PKD2: variants seen among roughly 807,000 people sequenced by gnomAD.
PKD2 encodes polycystin-2.
PKD2 carries 48 observed loss-of-function variants against 105.9 expected under a neutral mutation model. The ratio of observed to expected loss-of-function variants is 0.45; its 90% CI spans 0.36 to 0.58. The LOEUF (loss-of-function observed/expected upper bound fraction) is 0.58, where lower values mean the gene tolerates loss of function less well. Ranked by LOEUF, PKD2 falls within the 20% of genes least tolerant of loss-of-function variation. PKD2 has a pLI of 0.00. For synonymous variants in PKD2, 464 were observed against 481.1 expected (o/e 0.96, Z 0.46); for missense variants, 1,078 against 1,255.3 (o/e 0.86, Z 2.13).
intron 5 of PKD2, 41 bp from the exon 6 acceptor site, chr4:88,046,598 GTGT>G (rs770946743): frequency 4.5e-6 from 5 of 1,119,842 alleles, no homozygotes; most frequent in East Asian, 2.3e-5. Flanking sequence ...CTGTATTCAT[GTGT>G]TGTTGTTGTT....
intron 2 of PKD2, among the ~76,000 whole-genome samples, chr4:88,028,903 A>G (rs562243007): frequency 1.2e-4 from 18 of 152,366 alleles, no homozygotes; most frequent in African/African-American, 4.1e-4. Flanking sequence ...AATACTAGCC[A>G]ATACTACCAT....
intron 4 of PKD2, among the ~76,000 whole-genome samples, chr4:88,041,524 C>T (rs933537842): frequency 7.2e-5 from 11 of 152,062 alleles, no homozygotes; most frequent in African/African-American, 2.4e-4. Context: ...TTCCAGGAGC[C>T]CTCTCCCAGT....
intron 1 of PKD2, among the ~76,000 whole-genome samples, chr4:88,009,114 T>C (rs1207151242): frequency 6.6e-6 from 1 of 152,228 alleles, no homozygotes; most frequent in African/African-American, 2.4e-5. Context: ...CTGAGCCCAG[T>C]GCGCCCAGCT....
chr4:88,071,788 G>A (rs746981648), intron 13 of PKD2, among the ~76,000 whole-genome samples: 13 of 152,134 alleles, frequency 8.5e-5, no homozygotes, highest in African/African-American at 2.2e-4. Flanking sequence ...TTTTAGCAGC[G>A]TGCTCATTAA....
rs757751728 is a variant in PKD2 at position 88,036,213 on chromosome 4, G to A, written c.710-7G>A. 7 of 1,613,648 alleles carry A rather than the reference G, an allele frequency of 4.3e-6. No homozygotes were observed. In the African/African-American group the frequency reaches 5.3e-5, roughly 12 times the overall value. On this transcript the variant is annotated splice_polypyrimidine_tract_variant and splice_region_variant and intron_variant, in intron 2 of 14. Transcript: ENST00000237596. ...GGGGCGTTCATTTGGATCTTTCTGT[G>A]TTCCAGTGACCTACGGCATGATGAG...
intron 13 of PKD2, among the ~76,000 whole-genome samples, chr4:88,070,903 G>A (rs1721009065): frequency 6.6e-6 from 1 of 151,776 alleles, no homozygotes; most frequent in African/African-American, 2.4e-5. Flanking sequence ...CCAAAGTGCT[G>A]GGGTCACAGG....
chr4:88,052,203 T>C (rs1368744010), intron 7 of PKD2, 45 bp downstream of exon 7: 10 of 1,248,058 alleles, frequency 8.0e-6, no homozygotes, highest in Non-Finnish European at 1.2e-5. Context: ...AATATTTTCT[T>C]TAAAAAAAAT....
In PKD2 at chr4:88,048,136, A is replaced by G. The variant is rs182330574; in HGVS notation, c.1548+1266A>G. On this transcript the variant is annotated intron_variant, in intron 6 of 14. Transcript: ENST00000237596. ...TAGATGCTTACAAGCTTTGCTTGGC[A>G]TAGGTGTACCATGTATTATTCTATG... 1.2e-4 allele frequency among the ~76,000 whole-genome samples: 18 copies of G among 152,244 alleles called. 1 individual carries two copies. The highest frequency in any genetic ancestry group is 1.1e-3 in the Admixed American group (17 of 15,286).
At chr4:88,024,550 A>G (rs555551799) in intron 2 of PKD2, among the ~76,000 whole-genome samples, 1 of 151,584 alleles carries the variant, frequency 6.6e-6, no homozygotes, top group Non-Finnish European at 1.5e-5. Context: ...TGGTGAATCT[A>G]TAATAATAAA....
intron 2 of PKD2, among the ~76,000 whole-genome samples, chr4:88,031,560 GT>G: frequency 6.6e-6 from 1 of 152,124 alleles, no homozygotes. Flanking sequence ...ATCTAGTACA[GT>G]TATATTTTTA....
intron 9 of PKD2, 142 bp from the exon 10 acceptor site, chr4:88,061,764 A>G (rs1291443615): frequency 9.1e-6 from 3 of 331,124 alleles, no homozygotes; most frequent in Non-Finnish European, 1.7e-5. Context: ...TTTTAAATAA[A>G]TAAATAATAA....
At chr4:88,025,338 G>C (rs1726917198) in intron 2 of PKD2, among the ~76,000 whole-genome samples, 1 of 151,998 alleles carries the variant, frequency 6.6e-6, no homozygotes, top group Non-Finnish European at 1.5e-5. Context: ...CACACCTGTA[G>C]TCCCAATTAC....
intron 1 of PKD2, 31 bp downstream of exon 1, chr4:88,008,359 C>T: frequency 1.3e-6 from 2 of 1,507,178 alleles, no homozygotes; most frequent in Non-Finnish European, 1.8e-6. Context: ...GCGGCAGATG[C>T]ACGAACCAGA....
At chr4:88,070,553 T>G (rs915562776) in intron 13 of PKD2, among the ~76,000 whole-genome samples, 1 of 138,152 alleles carries the variant, frequency 7.2e-6, no homozygotes, top group African/African-American at 2.7e-5. Flanking sequence ...CTCTAGTTAT[T>G]TATTTATTTA....
chr4:88,046,880 A>G lies in PKD2; in HGVS notation c.1548+10A>G, dbSNP rs1467179872. On this transcript the variant is annotated intron_variant, in intron 6 of 14. Transcript: ENST00000237596. ...TGTTGTGATCGTTGTGGTAGGTTTG[A>G]GAACAACACCAAATTTCCTATTCTA... The G allele has an allele frequency of 4.8e-6, 7 of 1,450,904 alleles. No homozygotes were observed. The highest frequency in any genetic ancestry group is 1.4e-5 in the African/African-American group (1 of 71,748). 89.9% of individuals were successfully genotyped at this position (1,450,904 alleles called of 1,614,324 possible).
In PKD2 at chr4:88,040,522, T is replaced by C. The variant is rs1727521437; in HGVS notation, c.1094+2021T>C. 2.0e-5 allele frequency among the ~76,000 whole-genome samples: 3 copies of C among 152,230 alleles called. No individual in the cohort carries two copies. In the South Asian group the frequency reaches 6.2e-4, roughly 31 times the overall value. On this transcript the variant is annotated intron_variant, in intron 4 of 14. Transcript: ENST00000237596. The stretch of plus-strand genomic sequence containing the variant: ...ATTCTCAAGTCACTCCCATTTCTTC[T>C]TCCCTTCAACTCCAAACTTCTTGGA...
chr4:88,062,508 G>T lies in PKD2; in HGVS notation c.2118+504G>T, dbSNP rs189826054. Among the ~76,000 whole-genome samples, 12 of 152,334 alleles carry T rather than the reference G, an allele frequency of 7.9e-5. No individual in the cohort carries two copies. In the East Asian group the frequency reaches 2.1e-3, roughly 27 times the overall value. On this transcript the variant is annotated intron_variant, in intron 10 of 14. Coordinates refer to ENST00000237596, the MANE Select transcript of PKD2 (RefSeq NM_000297.4). Reference sequence around the variant, plus strand: ...AAAAGATTCATGAATTCAGGCCATAGCCTGGGGCCTGAGAACTTTTACTTA... The same window carrying T: ...AAAAGATTCATGAATTCAGGCCATATCCTGGGGCCTGAGAACTTTTACTTA...
Position 88,046,446 on chromosome 4 carries a change from A to T in PKD2, c.1320-196A>T, listed in dbSNP as rs77991231. ...GGACTGAAAGACCTCAGGAAGTCTT[A>T]TTCCTTTGATGGCACAAAATTCTCC... On this transcript the variant is annotated intron_variant, in intron 5 of 14. Transcript: ENST00000237596. Among the ~76,000 whole-genome samples, 2,100 of 152,332 alleles carry T rather than the reference A, an allele frequency of 0.014. 58 individuals carry two copies. Among genetic ancestry groups the T allele is most frequent in the African/African-American group, 0.048 (2,005 of 41,574 alleles).
chr4:88,023,444 C>T (rs1726837709), intron 2 of PKD2, among the ~76,000 whole-genome samples: 2 of 152,186 alleles, frequency 1.3e-5, no homozygotes, highest in South Asian at 2.1e-4. Flanking sequence ...TACCAGGCCC[C>T]GCCTTCAGCA....
Sources: gnomAD v4.1 joint callset for allele counts (sites outside exome capture counted in the v4.1 genomes callset) on GRCh38, gnomAD v4.1.1 for gene constraint, MANE v1.5 for transcripts, NCBI Gene and HGNC (gene_info 2026-07-23, HGNC 2026-07-21) for gene names.